PTPRN2: variants seen among roughly 807,000 people sequenced by gnomAD.
The protein encoded by PTPRN2 is receptor-type tyrosine-protein phosphatase N2.
Under a neutral mutation model 118.8 loss-of-function variants are expected in PTPRN2, and 74 were observed. The observed-to-expected ratio is 0.62, with a 90% confidence interval of 0.52 to 0.76. The LOEUF (loss-of-function observed/expected upper bound fraction) is 0.76, where lower values mean the gene tolerates loss of function less well. PTPRN2 is among the 30% of genes least tolerant of loss of function. PTPRN2 has a pLI of 0.00. For synonymous variants in PTPRN2, 641 were observed against 608.0 expected (o/e 1.05, Z -0.80); for missense variants, 1,481 against 1,394.4 (o/e 1.06, Z -0.99).
At chr7:157,792,897 C>G (rs11765178) in intron 12 of PTPRN2, among the ~76,000 whole-genome samples, 1 of 152,132 alleles carries the variant, frequency 6.6e-6, no homozygotes. Flanking sequence ...AAAGCATGAC[C>G]GGGCGGATCA....
At chr7:158,327,352 CAT>C (rs1455519670) in intron 2 of PTPRN2, among the ~76,000 whole-genome samples, 4 of 148,454 alleles carry the variant, frequency 2.7e-5, no homozygotes, top group South Asian at 2.2e-4. Flanking sequence ...CATGCTCACA[CAT>C]GTACACATTG....
At chr7:157,739,048 T>A (rs1800470161) in intron 12 of PTPRN2, 1 of 152,166 alleles carries the variant, frequency 6.6e-6, no homozygotes, top group Non-Finnish European at 1.5e-5. Flanking sequence ...GAGCTTTGAG[T>A]GGTTTCTGCA....
At chr7:158,104,626 T>A (rs1242359138) in intron 10 of PTPRN2, among the ~76,000 whole-genome samples, 7 of 152,006 alleles carry the variant, frequency 4.6e-5, no homozygotes, top group Non-Finnish European at 1.0e-4. Context: ...ATCACAACCA[T>A]CCCAGCTCCA....
Position 157,562,876 on chromosome 7 carries a change from C to T in PTPRN2, c.2902+6026G>A, listed in dbSNP as rs576399630. On this transcript the variant is annotated intron_variant, in intron 21 of 22. Coordinates refer to ENST00000389418, the MANE Select transcript of PTPRN2 (RefSeq NM_002847.5). ...GACCACGTGCTCCCATGTCACCACA[C>T]GCAGATCAGGACCACGTGCTCCCGC... 1.3e-4 allele frequency among the ~76,000 whole-genome samples: 16 copies of T among 123,744 alleles called. No homozygotes were observed. The East Asian group carries it at 3.0e-3, about 23-fold the overall frequency. 81.2% of individuals were successfully genotyped at this position (123,744 alleles called of 152,430 possible).
chr7:157,684,947 G>C (rs1013041637), intron 12 of PTPRN2, among the ~76,000 whole-genome samples: 6 of 151,876 alleles, frequency 4.0e-5, no homozygotes, highest in Admixed American at 1.3e-4. Flanking sequence ...GTGGGTCCAA[G>C]CGGCGCCGGG....
At chr7:158,511,491 A>T (rs1175888738) in intron 1 of PTPRN2, among the ~76,000 whole-genome samples, 2 of 152,174 alleles carry the variant, frequency 1.3e-5, no homozygotes, top group Non-Finnish European at 2.9e-5. Context: ...AACAAAGAAC[A>T]AGGGTCCCAA....
intron 11 of PTPRN2, among the ~76,000 whole-genome samples, chr7:157,907,920 G>A (rs1797869722): frequency 6.6e-6 from 1 of 152,070 alleles, no homozygotes; most frequent in African/African-American, 2.4e-5. Context: ...CTTCCACTAG[G>A]ACGTCCAATG....
chr7:157,704,276 T>C (rs547213882), intron 12 of PTPRN2, among the ~76,000 whole-genome samples: 5 of 152,288 alleles, frequency 3.3e-5, no homozygotes, highest in Non-Finnish European at 5.9e-5. Flanking sequence ...CTCTTGGCTG[T>C]AAGGTGCTCA....
chr7:157,963,177 C>T (rs1056298009), intron 11 of PTPRN2, among the ~76,000 whole-genome samples: 6 of 152,238 alleles, frequency 3.9e-5, no homozygotes, highest in African/African-American at 1.4e-4. Context: ...CGGGCAGTCT[C>T]CTGGCCTCAG....
At chr7:158,340,288 C>T (rs1479912606) in intron 2 of PTPRN2, among the ~76,000 whole-genome samples, 5 of 96,674 alleles carry the variant, frequency 5.2e-5, no homozygotes, top group Non-Finnish European at 9.2e-5. Context: ...CTCACACCCA[C>T]ATTCTCACCA....
intron 1 of PTPRN2, among the ~76,000 whole-genome samples, chr7:158,534,569 C>T (rs1825526223): frequency 6.6e-6 from 1 of 152,190 alleles, no homozygotes; most frequent in Non-Finnish European, 1.5e-5. Context: ...AACTGCTGCC[C>T]TCATTGCCGT....
intron 3 of PTPRN2, among the ~76,000 whole-genome samples, chr7:158,299,338 C>T (rs1800714639): frequency 6.7e-6 from 1 of 149,668 alleles, no homozygotes; most frequent in Admixed American, 6.7e-5. Context: ...CACTCTGTTG[C>T]CCAGGCTGGA....
chr7:157,890,096 T>A (rs1796714763), intron 12 of PTPRN2, among the ~76,000 whole-genome samples: 1 of 152,176 alleles, frequency 6.6e-6, no homozygotes, highest in African/African-American at 2.4e-5. Flanking sequence ...GGTGAAGGTT[T>A]TGTTTTTCTG....
chr7:158,569,876 C>T (rs1299892134), intron 1 of PTPRN2, among the ~76,000 whole-genome samples: 1 of 149,212 alleles, frequency 6.7e-6, no homozygotes, highest in Non-Finnish European at 1.5e-5. Flanking sequence ...ACGCGGGGCG[C>T]GAGGCCGCCT....
At chr7:158,422,430 C>G (rs1054403227) in intron 2 of PTPRN2, among the ~76,000 whole-genome samples, 4 of 152,124 alleles carry the variant, frequency 2.6e-5, no homozygotes, top group African/African-American at 4.8e-5. Context: ...GGAATTGAGC[C>G]GGAAAACTCT....
chr7:158,531,993 G>A (rs138528846), intron 1 of PTPRN2, among the ~76,000 whole-genome samples: 44 of 152,334 alleles, frequency 2.9e-4, no homozygotes, highest in African/African-American at 9.4e-4. Context: ...CCAAAGCAAC[G>A]TGGGTCCTTC....
chr7:157,795,828 C>T (rs1484076481), intron 12 of PTPRN2, among the ~76,000 whole-genome samples: 1 of 152,230 alleles, frequency 6.6e-6, no homozygotes, highest in East Asian at 1.9e-4. Flanking sequence ...GCCAGCCCAT[C>T]GGTCACCAAG....
chr7:157,937,967 G>A (rs1410785294), intron 11 of PTPRN2, among the ~76,000 whole-genome samples: 2 of 152,170 alleles, frequency 1.3e-5, no homozygotes, highest in Non-Finnish European at 2.9e-5. Context: ...CTTTGACAAT[G>A]TCAAGCTGGA....
At chr7:157,803,900 T>C (rs972073798) in intron 12 of PTPRN2, among the ~76,000 whole-genome samples, 3 of 152,094 alleles carry the variant, frequency 2.0e-5, no homozygotes, top group Admixed American at 6.6e-5. Context: ...TGGCAAAATA[T>C]GTCAACTTTT....
Sources: allele counts gnomAD v4.1 joint callset (sites outside exome capture counted in the v4.1 genomes callset), GRCh38; gene constraint gnomAD v4.1.1; transcripts MANE v1.5; gene names NCBI Gene and HGNC (gene_info 2026-07-23, HGNC 2026-07-21).